The following HSPG2 variants were observed in gnomAD, a reference collection of about 807,000 sequenced individuals.
HSPG2 encodes heparan sulfate proteoglycan 2, also known as basement membrane-specific heparan sulfate proteoglycan core protein.
A neutral mutation model predicts 526.6 loss-of-function variants in HSPG2; 278 were observed. The ratio of observed to expected loss-of-function variants is 0.53; its 90% CI spans 0.48 to 0.58. HSPG2 has a LOEUF of 0.58. HSPG2 is among the 20% of genes least tolerant of loss of function. The pLI is 0.00. For missense variants in HSPG2, 5,354 were observed against 6,099.5 expected, an observed-to-expected ratio of 0.88 and a Z score of 4.07; for synonymous variants, 2,465 against 2,555.4, an observed-to-expected ratio of 0.96 and a Z score of 1.07.
intron 44 of HSPG2, among the ~76,000 whole-genome samples, chr1:21,856,323 C>A (rs1639336402): frequency 6.6e-6 from 1 of 152,212 alleles, no homozygotes; most frequent in Non-Finnish European, 1.5e-5. Flanking sequence ...TCAATGCCTA[C>A]CTTTCCTTCA....
Position 21,872,568 on chromosome 1 carries a change from A to T in HSPG2, c.4029+52T>A. 1 of 1,553,940 alleles carries T rather than the reference A, an allele frequency of 6.4e-7. No individual in the cohort carries two copies. Among genetic ancestry groups the T allele is most frequent in the Non-Finnish European group, 8.7e-7 (1 of 1,148,326 alleles). On this transcript the variant is annotated intron_variant, in intron 32 of 96. Transcript: ENST00000374695. This position sits in a 1 kb window ranked among gnomAD's most constrained non-coding sequence, Gnocchi z 5.5. ...TGGGCTCAGTGCTCAGATGGACAGT[A>T]ACAGGCAGCAGGTGGCAACACCGCC... is the stretch of plus-strand genomic sequence containing the variant.
chr1:21,925,785 C>G (rs1026392053), intron 1 of HSPG2, among the ~76,000 whole-genome samples: 6 of 152,182 alleles, frequency 3.9e-5, no homozygotes, highest in African/African-American at 1.4e-4. Context: ...ACAATGATGA[C>G]TTGGGAGTCT....
chr1:21,911,318 G>A (rs988820936), intron 1 of HSPG2, among the ~76,000 whole-genome samples: 8 of 152,196 alleles, frequency 5.3e-5, no homozygotes, highest in Non-Finnish European at 1.0e-4. Flanking sequence ...CACAGCTGCT[G>A]ACAACAGCTG....
rs941338105 is a variant in HSPG2, at chr1:21,873,443, T to C, written c.3744-19A>G. ...GGCGCACCTGCAGAGAGAAAAAGCC[T>C]CTGATGAATTTTGGATGAAGGGAAG... On this transcript the variant is annotated intron_variant, in intron 29 of 96. Transcript: ENST00000374695. 6.2e-7 allele frequency: 1 copy of C among 1,613,498 alleles called. No homozygotes were observed. The highest frequency in any genetic ancestry group is 1.3e-5 in the African/African-American group (1 of 74,758).
In HSPG2 at chr1:21,887,940, C is replaced by T. The variant is rs1642057336; in HGVS notation, c.701G>A (p.Cys234Tyr). Residue 234 changes from cysteine (C) to tyrosine (Y), a missense_variant and splice_region_variant, in exon 7 of 97, where the codon TGT (cysteine) becomes TAT (tyrosine). Coordinates refer to ENST00000374695, the MANE Select transcript of HSPG2 (RefSeq NM_005529.7). This position sits in a 1 kb window ranked among gnomAD's most constrained non-coding sequence, Gnocchi z 5.0. ...DCRDMSDELN[C>Y]EEPVLGISPT... Reference sequence around the variant, plus strand: ...CGTGGCCCCGGACATCCCCTCACCACAATTGAGCTCATCAGACATGTCCCT... The same window carrying T: ...CGTGGCCCCGGACATCCCCTCACCATAATTGAGCTCATCAGACATGTCCCT... 6.2e-7 allele frequency: 1 copy of T among 1,614,010 alleles called. No individual in the cohort carries two copies.
chr1:21,887,416 G>A lies in HSPG2; in HGVS notation c.958+4C>T, dbSNP rs556644210. On this transcript the variant is annotated splice_donor_region_variant and intron_variant, in intron 8 of 96. Coordinates refer to ENST00000374695, the MANE Select transcript of HSPG2 (RefSeq NM_005529.7). This position sits in a 1 kb window ranked among gnomAD's most constrained non-coding sequence, Gnocchi z 5.0. ...CACCCACCTGCACCCCTGCCGGTGC[G>A]CACCACAGTCTAGCTCATCGCTGCC... is the stretch of plus-strand genomic sequence containing the variant. 5 of 1,613,862 alleles carry A rather than the reference G, an allele frequency of 3.1e-6. No homozygotes were observed. The highest frequency in any genetic ancestry group is 2.2e-5 in the East Asian group (1 of 44,892).
In HSPG2 at chr1:21,824,699, C is replaced by A. The variant is rs756685063; in HGVS notation, c.12665+5G>T. On this transcript the variant is annotated splice_donor_5th_base_variant and intron_variant, in intron 92 of 96. Coordinates refer to ENST00000374695, the MANE Select transcript of HSPG2 (RefSeq NM_005529.7). The surrounding 1 kb of genome is among the most constrained non-coding windows in gnomAD (Gnocchi z 5.9). ...GCCCATGGGCCCTTCCAATGCCAGT[C>A]TCACCTCCTGGAGAAGACATGGCCA... 3 of 1,613,698 alleles carry A rather than the reference C, an allele frequency of 1.9e-6. No homozygotes were observed. The highest frequency in any genetic ancestry group is 2.5e-6 in the Non-Finnish European group (3 of 1,179,832).
Position 21,830,234 on chromosome 1 carries a change from G to A in HSPG2, c.11672-143C>T, listed in dbSNP as rs74060184. On this transcript the variant is annotated intron_variant, in intron 85 of 96. Transcript: ENST00000374695. ...GCCTCCTGGGAGGCCTTGGAGGAGGGAACTGAGCAGAGCAAGGCGGGAGCC... is the reference window on the plus strand; with the variant it reads ...GCCTCCTGGGAGGCCTTGGAGGAGGAAACTGAGCAGAGCAAGGCGGGAGCC... 4,973 of 696,402 alleles carry A rather than the reference G, an allele frequency of 7.1e-3. 155 individuals are homozygous for A. In the African/African-American group the frequency reaches 0.075, roughly 11 times the overall value. The allele number at this position is 696,402 out of a possible 1,614,324, so 43.1% of individuals were successfully genotyped here. A position where few individuals can be genotyped will look rare whatever the true frequency, so the allele number is the denominator to read the frequency against.
In HSPG2 at chr1:21,822,296, G is replaced by T. The variant is rs2097953712; in HGVS notation, c.*1020C>A. ...AAAATCAAGACAAAGACCACAGGAG[G>T]GTCCCTTCTAGGACACAGAGGCCAG... On this transcript the variant is annotated 3_prime_UTR_variant, in exon 97 of 97. Coordinates refer to ENST00000374695, the MANE Select transcript of HSPG2 (RefSeq NM_005529.7). 2.0e-6 allele frequency: 3 copies of T among 1,467,174 alleles called. No individual in the cohort carries two copies. The highest frequency in any genetic ancestry group is 1.1e-5 in the South Asian group (1 of 87,780). 90.9% of individuals were successfully genotyped at this position (1,467,174 alleles called of 1,614,324 possible). A position where few individuals can be genotyped will look rare whatever the true frequency, so the allele number is the denominator to read the frequency against.
Position 21,828,800 on chromosome 1 carries a change from T to C in HSPG2, c.12237+35A>G, listed in dbSNP as rs1557671348. Reference sequence around the variant, plus strand: ...AGGGGGACACAAGGCTTGGCACCCCTCCCCTCCCGCTTGTCCCGAGGAGGC... The same window carrying C: ...AGGGGGACACAAGGCTTGGCACCCCCCCCCTCCCGCTTGTCCCGAGGAGGC... On this transcript the variant is annotated intron_variant, in intron 88 of 96. Coordinates refer to ENST00000374695, the MANE Select transcript of HSPG2 (RefSeq NM_005529.7). This position sits in a 1 kb window ranked among gnomAD's most constrained non-coding sequence, Gnocchi z 6.0. The C allele has an allele frequency of 3.2e-6, 5 of 1,545,048 alleles. No individual in the cohort carries two copies. Among genetic ancestry groups the C allele is most frequent in the Admixed American group, 2.0e-5 (1 of 50,308 alleles).
At chr1:21,883,857 T>C (rs1005664008) in intron 13 of HSPG2, among the ~76,000 whole-genome samples, 1 of 152,234 alleles carries the variant, frequency 6.6e-6, no homozygotes, top group Admixed American at 6.5e-5. Flanking sequence ...CCTGCCATTC[T>C]GCCTCTCAGT....
chr1:21,846,660 T>TGGG, intron 62 of HSPG2, 61 bp from the exon 63 acceptor site: 1 of 1,581,172 alleles, frequency 6.3e-7, no homozygotes, highest in South Asian at 1.1e-5. Flanking sequence ...ACAGGGTTGG[T>TGGG]GGGACCCTCT....
chr1:21,901,457 TG>T (rs1643099230), intron 1 of HSPG2, among the ~76,000 whole-genome samples: 1 of 152,044 alleles, frequency 6.6e-6, no homozygotes, highest in Non-Finnish European at 1.5e-5. Flanking sequence ...GGGAGGAGCC[TG>T]GCTGAGTGGG....
intron 76 of HSPG2, chr1:21,835,182 G>A (rs1320508409): frequency 7.9e-6 from 5 of 630,894 alleles, no homozygotes; most frequent in Non-Finnish European, 1.4e-5. Context: ...TGTATTCACA[G>A]GTGTGATCAC....
intron 33 of HSPG2, among the ~76,000 whole-genome samples, chr1:21,867,790 C>T (rs910672977): frequency 1.3e-5 from 2 of 151,956 alleles, no homozygotes; most frequent in African/African-American, 2.4e-5. Context: ...GAGTACAGTG[C>T]TGCAATCTCA....
Position 21,864,300 on chromosome 1 carries a change from C to T in HSPG2, c.4627-87G>A. 1.8e-6 allele frequency: 2 copies of T among 1,093,894 alleles called. No homozygotes were observed. The highest frequency in any genetic ancestry group is 2.7e-5 in the South Asian group (2 of 74,656). 67.8% of individuals were successfully genotyped at this position (1,093,894 alleles called of 1,614,324 possible). On this transcript the variant is annotated intron_variant, in intron 36 of 96. Transcript: ENST00000374695. This position sits in a 1 kb window ranked among gnomAD's most constrained non-coding sequence, Gnocchi z 4.8. The stretch of plus-strand genomic sequence containing the variant: ...CCAGAACCCCTCCCTCCAGTGTCCT[C>T]CCAGGGGTGACCCTGGAACATCACA...
rs956883644 is a variant in HSPG2, at chr1:21,823,778, C to T, written c.12900-59G>A. ...AACTTCCTGGTCCTCCCCGGCCCCA[C>T]GACAGAGTCCCCTCCCTCTGATATC... On this transcript the variant is annotated intron_variant, in intron 95 of 96. Transcript: ENST00000374695. 88 of 1,305,274 alleles carry T rather than the reference C, an allele frequency of 6.7e-5. No individual in the cohort carries two copies. The Admixed American group carries it at 1.2e-3, about 17-fold the overall frequency. 80.9% of individuals were successfully genotyped at this position (1,305,274 alleles called of 1,614,324 possible).
rs1288799277 is a variant in HSPG2, at chr1:21,876,244, G to C, written c.2988C>G (p.Arg996=). ...CACTACCCACCTTGTCCCCCAGGAAGCGTGAAGGGAGGCTCCAGAAGTAGG... is the reference window on the plus strand; with the variant it reads ...CACTACCCACCTTGTCCCCCAGGAACCGTGAAGGGAGGCTCCAGAAGTAGG... ...SGPYFWSLPS[R]FLGDKVTSYG... is the part of the protein sequence containing the mutation. Residue 996 remains arginine, a synonymous_variant, in exon 23 of 97, where the codon CGC becomes CGG. Coordinates refer to ENST00000374695, the MANE Select transcript of HSPG2 (RefSeq NM_005529.7). 1.9e-6 allele frequency: 3 copies of C among 1,610,934 alleles called. No individual in the cohort carries two copies. Among genetic ancestry groups the C allele is most frequent in the African/African-American group, 1.3e-5 (1 of 75,026 alleles).
At position 21,859,740 on chromosome 1, in the gene HSPG2, C is replaced by T. The variant is rs184526682; in HGVS notation, c.5183-64G>A. The T allele has an allele frequency of 2.9e-4, 465 of 1,583,816 alleles. 1 individual carries two copies. The African/African-American group carries it at 4.3e-3, about 15-fold the overall frequency. The stretch of plus-strand genomic sequence containing the variant: ...ACTCTTTCTCACATCCAGCCCCATG[C>T]ACAAGGACAGCATCCCACTAGGGCA... On this transcript the variant is annotated intron_variant, in intron 41 of 96. Transcript: ENST00000374695. The surrounding 1 kb of genome is among the most constrained non-coding windows in gnomAD (Gnocchi z 5.3).
Sources: gnomAD v4.1 joint callset for allele counts (sites outside exome capture counted in the v4.1 genomes callset) on GRCh38, gnomAD v4.1.1 for gene constraint, Gnocchi (gnomAD v3.1) non-coding constraint, MANE v1.5 for transcripts, NCBI Gene and HGNC (gene_info 2026-07-23, HGNC 2026-07-21) for gene names.